CPEB3: variants seen among roughly 807,000 people sequenced by gnomAD.
CPEB3 encodes the protein cytoplasmic polyadenylation element-binding protein 3.
CPEB3 carries 20 observed loss-of-function variants against 67.2 expected under a neutral mutation model. The observed-to-expected ratio is 0.30, with a 90% confidence interval of 0.21 to 0.43. The LOEUF is 0.43. CPEB3 is among the 20% of genes least tolerant of loss of function. The probability of loss-of-function intolerance (pLI) is 1.00; values close to 1 mark genes in which losing one functional copy is unlikely to be tolerated. For synonymous variants in CPEB3, 376 were observed against 393.1 expected, an observed-to-expected ratio of 0.96 and a Z score of 0.51; for missense variants, 746 against 968.6, an observed-to-expected ratio of 0.77 and a Z score of 3.05.
chr10:92,049,460 G>A lies in CPEB3; in HGVS notation c.*2752C>T, dbSNP rs1300158199. The A allele has an allele frequency of 6.6e-6, 1 of 152,030 alleles. No homozygotes were observed. The highest frequency in any genetic ancestry group is 1.9e-4 in the East Asian group (1 of 5,190). 9.4% of individuals were successfully genotyped at this position (152,030 alleles called of 1,614,324 possible). ...TTTTAATATAACATTAACAACTTGG[G>A]GGCACATTTATTTACAAAACAAAAG... On this transcript the variant is annotated 3_prime_UTR_variant, in exon 10 of 10. Transcript: ENST00000265997.
chr10:92,205,950 T>C (rs1849766540), intron 2 of CPEB3, among the ~76,000 whole-genome samples: 1 of 152,096 alleles, frequency 6.6e-6, no homozygotes, highest in African/African-American at 2.4e-5. Context: ...ATGGAAAGCA[T>C]CCACATTTAT....
chr10:92,282,018 T>C (rs867570004), intron 1 of CPEB3, among the ~76,000 whole-genome samples: 2 of 152,238 alleles, frequency 1.3e-5, no homozygotes, highest in African/African-American at 4.8e-5. Context: ...ACTGCTGCTC[T>C]ATGAAATCCA....
chr10:92,180,373 A>C (rs1848409291), intron 4 of CPEB3, among the ~76,000 whole-genome samples: 1 of 152,192 alleles, frequency 6.6e-6, no homozygotes, highest in Admixed American at 6.5e-5. Flanking sequence ...TTATGTATAA[A>C]TAAGTTGATT....
rs552534752 is a variant in CPEB3 at position 92,240,289 on chromosome 10, C to A, written c.62G>T (p.Arg21Leu). The A allele has an allele frequency of 6.6e-7, 1 of 1,515,006 alleles. No individual in the cohort carries two copies. Among genetic ancestry groups the A allele is most frequent in the Non-Finnish European group, 8.8e-7 (1 of 1,130,064 alleles). The allele number at this position is 1,515,006 out of a possible 1,614,324, so 93.8% of individuals were successfully genotyped here. A position where few individuals can be genotyped will look rare whatever the true frequency, so the allele number is the denominator to read the frequency against. ...CTCAGGTTGGGGCTGCTGCTGCTGC[C>A]GCTGCTGCTGCTGGGGCTGGGGCTG... is the stretch of plus-strand genomic sequence containing the variant. ...KTQPQPQQQQRQQQQPQPESS... is the reference protein window; with the variant it reads ...KTQPQPQQQQLQQQQPQPESS... The change falls in exon 2 of 10, where the codon CGG becomes CTG. Residue 21 changes from arginine (R) to leucine (L), a missense_variant. Arg to Leu is a moderately radical substitution (Grantham distance 102). Around this residue, in one of 2 missense-constraint regions of CPEB3, gnomAD observed 643 missense variants for 717.5 expected, o/e 0.90. Transcript: ENST00000265997.
intron 5 of CPEB3, 130 bp from the exon 6 acceptor site, chr10:92,143,248 G>A (rs1402910615): frequency 1.7e-6 from 1 of 587,702 alleles, no homozygotes; most frequent in Non-Finnish European, 2.9e-6. Context: ...CATCTTTACG[G>A]AAGTGAAACC....
chr10:92,284,039 T>A (rs564414002), intron 1 of CPEB3, among the ~76,000 whole-genome samples: 26 of 144,294 alleles, frequency 1.8e-4, no homozygotes, highest in African/African-American at 6.2e-4. Context: ...GAATGGGGTC[T>A]CTTTTTTTTT....
At chr10:92,098,338 C>T (rs934170508) in intron 7 of CPEB3, among the ~76,000 whole-genome samples, 5 of 151,964 alleles carry the variant, frequency 3.3e-5, no homozygotes, top group South Asian at 2.1e-4. Flanking sequence ...GACGGAGTTT[C>T]GCTCTTGTTG....
At chr10:92,075,327 C>T (rs1370501542) in intron 9 of CPEB3, among the ~76,000 whole-genome samples, 1 of 152,100 alleles carries the variant, frequency 6.6e-6, no homozygotes, top group Non-Finnish European at 1.5e-5. Context: ...AAGTGTATCC[C>T]CTACCACCAT....
rs1850401040 is a variant in CPEB3, at chr10:92,216,451, T to C, written c.1005+22895A>G. 1.2e-5 allele frequency: 20 copies of C among 1,612,744 alleles called. No homozygotes were observed. In the South Asian group the frequency reaches 2.1e-4, roughly 17 times the overall value. ...ACCCCATCGCGCAGCTCCTGGCTTC[T>C]CGCCGCCTCAAGCGGAAGCTCTACA... On this transcript the variant is annotated intron_variant, in intron 2 of 9. Coordinates refer to ENST00000265997, the MANE Select transcript of CPEB3 (RefSeq NM_014912.5).
chr10:92,144,541 C>T (rs535975165), intron 5 of CPEB3, among the ~76,000 whole-genome samples: 30 of 152,218 alleles, frequency 2.0e-4, no homozygotes, highest in African/African-American at 5.8e-4. Context: ...ACTGGGATTA[C>T]GGGTGTGAAC....
Position 92,239,388 on chromosome 10 carries a change from G to A in CPEB3, c.963C>T (p.Asn321=), listed in dbSNP as rs771865581. 3 of 1,606,308 alleles carry A rather than the reference G, an allele frequency of 1.9e-6. No homozygotes were observed. The highest frequency in any genetic ancestry group is 2.2e-5 in the East Asian group (1 of 44,696). ...TGTTACCATTATCGGTCCGGAAAGC[G>A]TTATCCTCCATCCAGGACTTGGAAG... ...PLTSKSWMED[N]AFRTDNGNNL... The change falls in exon 2 of 10, where the codon AAC becomes AAT. Residue 321 remains asparagine, a synonymous_variant. Coordinates refer to ENST00000265997, the MANE Select transcript of CPEB3 (RefSeq NM_014912.5). The surrounding 1 kb of genome is among the most constrained non-coding windows in gnomAD (Gnocchi z 6.0).
At chr10:92,257,350 A>G (rs1038381321) in intron 1 of CPEB3, among the ~76,000 whole-genome samples, 1 of 152,154 alleles carries the variant, frequency 6.6e-6, no homozygotes, top group African/African-American at 2.4e-5. Context: ...GTTGGAGTGC[A>G]GTGGTACCAT....
At chr10:92,235,713 G>A (rs1208415351) in intron 2 of CPEB3, among the ~76,000 whole-genome samples, 1 of 152,206 alleles carries the variant, frequency 6.6e-6, no homozygotes, top group Non-Finnish European at 1.5e-5. Flanking sequence ...GCAAAGTGGA[G>A]ACTTAAATCC....
chr10:92,174,260 G>A (rs1848129517), intron 4 of CPEB3, among the ~76,000 whole-genome samples: 1 of 152,224 alleles, frequency 6.6e-6, no homozygotes, highest in Non-Finnish European at 1.5e-5. Flanking sequence ...AGGGGGAAGA[G>A]GAGGCTCTGC....
intron 7 of CPEB3, 116 bp downstream of exon 7, chr10:92,110,960 C>A (rs908555346): frequency 2.2e-5 from 18 of 806,198 alleles, no homozygotes; most frequent in Non-Finnish European, 3.7e-5. Flanking sequence ...CATAGCAAGG[C>A]CAAGCTGGGT....
chr10:92,161,495 A>G (rs1265786623), intron 4 of CPEB3, among the ~76,000 whole-genome samples: 1 of 151,524 alleles, frequency 6.6e-6, no homozygotes, highest in African/African-American at 2.4e-5. Flanking sequence ...CTGGTCTCGA[A>G]CTCCTGACCT....
At chr10:92,096,430 C>T (rs1307248985) in intron 7 of CPEB3, among the ~76,000 whole-genome samples, 2 of 152,174 alleles carry the variant, frequency 1.3e-5, no homozygotes, top group South Asian at 2.1e-4. Flanking sequence ...ATAGGGCTAA[C>T]TCTGTGACTG....
chr10:92,206,518 C>A (rs978069754), intron 2 of CPEB3, among the ~76,000 whole-genome samples: 1 of 152,122 alleles, frequency 6.6e-6, no homozygotes, highest in African/African-American at 2.4e-5. Context: ...TGGGTTCAAG[C>A]GATCCTCCTA....
intron 2 of CPEB3, 79 bp from the exon 3 acceptor site, chr10:92,192,715 G>A: frequency 2.8e-6 from 3 of 1,085,660 alleles, no homozygotes; most frequent in Non-Finnish European, 3.8e-6. Flanking sequence ...TTCCTGCTGT[G>A]GATTGATGAC....
Sources: gnomAD v4.1 joint callset for allele counts (sites outside exome capture counted in the v4.1 genomes callset) on GRCh38, gnomAD v4.1.1 for gene constraint, gnomAD v4.1.1 regional missense constraint, Gnocchi (gnomAD v3.1) non-coding constraint, MANE v1.5 for transcripts, NCBI Gene and HGNC (gene_info 2026-07-23, HGNC 2026-07-21) for gene names.